Variants in KIAA1217 observed in about 807,000 individuals in gnomAD.
The protein encoded by KIAA1217 is KIAA1217.
In KIAA1217, 88 loss-of-function variants were observed where a neutral mutation model predicts 163.9. The ratio of observed to expected loss-of-function variants is 0.54; its 90% CI spans 0.45 to 0.64. The LOEUF (loss-of-function observed/expected upper bound fraction) is 0.64, where lower values mean the gene tolerates loss of function less well. Ranked by LOEUF, KIAA1217 falls within the 30% of genes least tolerant of loss-of-function variation. KIAA1217 has a pLI of 0.00. For synonymous variants in KIAA1217, 903 were observed against 923.1 expected (o/e 0.98, Z 0.39); for missense variants, 2,372 against 2,475.0 (o/e 0.96, Z 0.88).
intron 1 of KIAA1217, among the ~76,000 whole-genome samples, chr10:23,909,106 T>G (rs1295725365): frequency 6.6e-6 from 1 of 152,118 alleles, no homozygotes; most frequent in Non-Finnish European, 1.5e-5. Flanking sequence ...TCAGGAATGG[T>G]AACCAAAACA....
chr10:24,404,085 C>A (rs774278726), intron 3 of KIAA1217, among the ~76,000 whole-genome samples: 1 of 152,130 alleles, frequency 6.6e-6, no homozygotes. Context: ...AACTTCCTGA[C>A]TAGCTGGGAC....
At chr10:24,478,234 C>T (rs2064255133) in intron 6 of KIAA1217, among the ~76,000 whole-genome samples, 1 of 152,186 alleles carries the variant, frequency 6.6e-6, no homozygotes, top group Non-Finnish European at 1.5e-5. Flanking sequence ...ACTTTGAAGA[C>T]ATCCAGTGGT....
At chr10:24,217,490 A>G (rs942213791) in intron 1 of KIAA1217, among the ~76,000 whole-genome samples, 8 of 152,246 alleles carry the variant, frequency 5.3e-5, no homozygotes, top group African/African-American at 1.7e-4. Flanking sequence ...GTAAACAAGA[A>G]GAATTATTCC....
At chr10:24,140,232 C>T (rs1433836501) in intron 2 of KIAA1217, among the ~76,000 whole-genome samples, 7 of 151,718 alleles carry the variant, frequency 4.6e-5, no homozygotes, top group Non-Finnish European at 8.8e-5. Flanking sequence ...AGGTGGCAGG[C>T]GCCTGTAGTC....
chr10:24,531,039 A>G (rs527959495), intron 14 of KIAA1217, among the ~76,000 whole-genome samples: 1 of 151,926 alleles, frequency 6.6e-6, no homozygotes, highest in East Asian at 1.9e-4. Flanking sequence ...GTAAAAAAAA[A>G]AAGAAAAGAA....
At chr10:23,771,416 A>G (rs1834788627) in intron 1 of KIAA1217, among the ~76,000 whole-genome samples, 1 of 152,198 alleles carries the variant, frequency 6.6e-6, no homozygotes, top group Non-Finnish European at 1.5e-5. Context: ...GCTGCTCAAA[A>G]CATTATTTTG....
At chr10:24,337,590 T>TTTTCTTTTCTTTTC (rs1316293949) in intron 2 of KIAA1217, among the ~76,000 whole-genome samples, 2 of 134,408 alleles carry the variant, frequency 1.5e-5, no homozygotes, top group East Asian at 4.3e-4. Context: ...TTGTGTGGTT[T>TTTTCTTTTCTTTTC]TTTTCTTTTC....
At chr10:24,326,247 T>A (rs1369540898) in intron 2 of KIAA1217, among the ~76,000 whole-genome samples, 1 of 152,204 alleles carries the variant, frequency 6.6e-6, no homozygotes, top group Admixed American at 6.5e-5. Context: ...ACCATTTTAA[T>A]CATTGTCTCT....
intron 2 of KIAA1217, among the ~76,000 whole-genome samples, chr10:24,287,890 T>A (rs1388063391): frequency 2.0e-5 from 3 of 152,252 alleles, no homozygotes; most frequent in African/African-American, 7.2e-5. Flanking sequence ...TCTCACTTAA[T>A]AACATGAGGG....
chr10:24,065,128 G>A (rs1457704163), intron 2 of KIAA1217, among the ~76,000 whole-genome samples: 2 of 151,896 alleles, frequency 1.3e-5, no homozygotes, highest in African/African-American at 4.8e-5. Flanking sequence ...AGGGTTTTTT[G>A]TGTCTCTATT....
intron 1 of KIAA1217, among the ~76,000 whole-genome samples, chr10:23,968,206 A>G (rs1410843643): frequency 6.6e-6 from 1 of 152,182 alleles, no homozygotes; most frequent in African/African-American, 2.4e-5. Context: ...CTAAGAATCT[A>G]TATTGCATCA....
chr10:24,081,489 C>T (rs554142300), intron 2 of KIAA1217, among the ~76,000 whole-genome samples: 1 of 152,202 alleles, frequency 6.6e-6, no homozygotes, highest in African/African-American at 2.4e-5. Flanking sequence ...TGACTCATGC[C>T]GGACATTTAT....
intron 5 of KIAA1217, among the ~76,000 whole-genome samples, chr10:24,455,193 G>A (rs1326109148): frequency 6.6e-6 from 1 of 152,150 alleles, no homozygotes; most frequent in East Asian, 1.9e-4. Context: ...GTATCACTTT[G>A]AGACTAGAGC....
intron 1 of KIAA1217, among the ~76,000 whole-genome samples, chr10:23,701,846 C>A (rs1836472656): frequency 6.6e-6 from 1 of 152,142 alleles, no homozygotes; most frequent in South Asian, 2.1e-4. Context: ...TATAAATTAG[C>A]ATACTATACA....
At chr10:23,818,683 A>T (rs1837480191) in intron 1 of KIAA1217, among the ~76,000 whole-genome samples, 1 of 152,152 alleles carries the variant, frequency 6.6e-6, no homozygotes, top group Admixed American at 6.6e-5. Context: ...AGGCGACCAG[A>T]ATCAGCAGGG....
intron 2 of KIAA1217, among the ~76,000 whole-genome samples, chr10:24,132,862 A>G (rs773297673): frequency 6.6e-6 from 1 of 152,214 alleles, no homozygotes; most frequent in Non-Finnish European, 1.5e-5. Context: ...CAACAGTACC[A>G]TTTTGAGAAC....
At chr10:24,100,130 T>G (rs893565999) in intron 2 of KIAA1217, among the ~76,000 whole-genome samples, 1 of 152,104 alleles carries the variant, frequency 6.6e-6, no homozygotes, top group Non-Finnish European at 1.5e-5. Context: ...TGGTCTTCAA[T>G]CCTTTTAGGG....
At chr10:23,853,351 C>G (rs559493757) in intron 1 of KIAA1217, among the ~76,000 whole-genome samples, 1 of 152,180 alleles carries the variant, frequency 6.6e-6, no homozygotes, top group African/African-American at 2.4e-5. Context: ...GCCTTGCATC[C>G]CAGGGATGAA....
At chr10:24,061,164 C>T (rs2060708503) in intron 2 of KIAA1217, among the ~76,000 whole-genome samples, 1 of 151,834 alleles carries the variant, frequency 6.6e-6, no homozygotes, top group South Asian at 2.1e-4. Flanking sequence ...TATTTTTCTT[C>T]TGTAGGTATT....
Sources: allele counts gnomAD v4.1 joint callset (sites outside exome capture counted in the v4.1 genomes callset), GRCh38; gene constraint gnomAD v4.1.1; transcripts MANE v1.5; gene names NCBI Gene and HGNC (gene_info 2026-07-23, HGNC 2026-07-21).